CLIC5: variants seen among roughly 807,000 people sequenced by gnomAD.
CLIC5 encodes the protein chloride intracellular channel protein 5.
CLIC5 carries 20 observed loss-of-function variants against 24.7 expected under a neutral mutation model. That is an observed-to-expected ratio of 0.81 (90% CI 0.57 to 1.18). CLIC5 has a LOEUF of 1.18. Among genes scored for constraint, CLIC5 ranks in the 50% most tolerant of loss-of-function variants. The pLI is 0.00. For missense variants in CLIC5, 341 were observed against 326.1 expected (o/e 1.05, Z -0.35); for synonymous variants, 159 against 135.6 (o/e 1.17, Z -1.20).
chr6:46,112,853 T>C, the CLIC5 span, among the ~76,000 whole-genome samples: 2 of 152,124 alleles, frequency 1.3e-5, no homozygotes, highest in South Asian at 4.1e-4. Context: ...GGTCAGGAGT[T>C]TGAGAACAGC....
chr6:46,119,454 G>A, the CLIC5 span, among the ~76,000 whole-genome samples: 5 of 152,310 alleles, frequency 3.3e-5, no homozygotes, highest in South Asian at 6.2e-4. Context: ...ACTGGTTGGC[G>A]GTTCCAACAT....
chr6:46,118,190 T>C, the CLIC5 span, among the ~76,000 whole-genome samples: 2 of 152,258 alleles, frequency 1.3e-5, no homozygotes, highest in African/African-American at 4.8e-5. Context: ...TTAGCATTTA[T>C]GCTGCTGCTT....
At chr6:45,948,426 A>G (rs1764358292) in intron 3 of CLIC5, among the ~76,000 whole-genome samples, 1 of 152,144 alleles carries the variant, frequency 6.6e-6, no homozygotes, top group Non-Finnish European at 1.5e-5. Flanking sequence ...CAACCTCTAA[A>G]GTAGGTCTTA....
the CLIC5 span, among the ~76,000 whole-genome samples, chr6:46,095,557 T>C: frequency 1.3e-5 from 2 of 152,202 alleles, no homozygotes; most frequent in East Asian, 3.9e-4. Flanking sequence ...AGATCCCTAG[T>C]ATAGGGGAAC....
rs942073882 is a variant in CLIC5 at position 46,080,001 on chromosome 6, T to G, written c.242A>C (p.Tyr81Ser). The G allele has an allele frequency of 2.6e-5, 40 of 1,551,482 alleles. No homozygotes were observed. The Admixed American group carries it at 7.7e-4, about 30-fold the overall frequency. ...AGAGTATATCTCATCAGGCAGGAGG[T>G]AGCCTCTGTCTTCTGACTGGACAGA... Residue 81 changes from tyrosine to serine, a missense_variant, in exon 1 of 6, where the codon TAC (tyrosine) becomes TCC (serine). Tyr to Ser is a moderately radical substitution (Grantham distance 144, BLOSUM62 -2). Transcript: ENST00000185206.
chr6:45,915,616 T>C (rs1016126898), intron 4 of CLIC5, among the ~76,000 whole-genome samples: 1 of 152,206 alleles, frequency 6.6e-6, no homozygotes, highest in African/African-American at 2.4e-5. Flanking sequence ...AAAGCTGTCA[T>C]GATTATGACT....
upstream of CLIC5, among the ~76,000 whole-genome samples, chr6:46,017,306 T>A (rs925448967): frequency 3.3e-5 from 5 of 152,234 alleles, no homozygotes; most frequent in Admixed American, 6.5e-5. Flanking sequence ...TATTAAAAAA[T>A]TTATCGCTTA....
Position 45,955,292 on chromosome 6 carries a change from A to C in CLIC5, c.64-48T>G, listed in dbSNP as rs561622016. 169 of 1,377,750 alleles carry C rather than the reference A, an allele frequency of 1.2e-4. No homozygotes were observed. In the South Asian group the frequency reaches 1.9e-3, roughly 15 times the overall value. 85.3% of individuals were successfully genotyped at this position (1,377,750 alleles called of 1,614,324 possible). A position where few individuals can be genotyped will look rare whatever the true frequency, so the allele number is the denominator to read the frequency against. ...CCTGAGTGGGCAGGTGCAATTAGCAAGGGGAACATAAGATTGTAACACCCA... is the reference window on the plus strand; with the variant it reads ...CCTGAGTGGGCAGGTGCAATTAGCACGGGGAACATAAGATTGTAACACCCA... On this transcript the variant is annotated intron_variant, in intron 1 of 5. Coordinates refer to ENST00000339561, the MANE Select transcript of CLIC5 (RefSeq NM_016929.5).
chr6:46,083,922 A>T (rs1184142670), upstream of CLIC5, among the ~76,000 whole-genome samples: 4 of 152,052 alleles, frequency 2.6e-5, no homozygotes, highest in African/African-American at 9.7e-5. Flanking sequence ...GTCTCTTTGT[A>T]GGTCACTCAG....
rs113820424 is a variant in CLIC5 at position 45,887,168 on chromosome 6, G to A, written c.624-5980C>T. The stretch of plus-strand genomic sequence containing the variant: ...AAATGAACAAATGCATGGTATATCA[G>A]TTTCCTGTGGCTACTGTAACAAGTA... On this transcript the variant is annotated intron_variant, in intron 6 of 6. Coordinates refer to the CLIC5 transcript ENST00000644324. Among the ~76,000 whole-genome samples, 488 of 152,346 alleles carry A rather than the reference G, an allele frequency of 3.2e-3. 1 individual carries two copies. Among genetic ancestry groups the A allele is most frequent in the African/African-American group, 0.01 (425 of 41,566 alleles).
chr6:46,071,204 AC>A (rs1226886114), intron 1 of CLIC5, among the ~76,000 whole-genome samples: 1 of 152,200 alleles, frequency 6.6e-6, no homozygotes, highest in African/African-American at 2.4e-5. Context: ...ATCAGTTGAA[AC>A]AAAAGCAAAA....
intron 1 of CLIC5, among the ~76,000 whole-genome samples, chr6:45,969,634 G>A (rs1765130090): frequency 6.6e-6 from 1 of 152,042 alleles, no homozygotes; most frequent in East Asian, 1.9e-4. Flanking sequence ...GGGAAGACAG[G>A]AAAAACAGAA....
Position 46,058,814 on chromosome 6 carries a change from C to CA in CLIC5, c.540+20888dup, listed in dbSNP as rs5875953. On this transcript the variant is annotated intron_variant, in intron 1 of 5. Transcript: ENST00000185206. ...TAGAGTCTAGGTGTTCCAGATTCCA[C>CA]AAAAAAAAAGGTATAATGTGCGATA... Among the ~76,000 whole-genome samples the CA allele has an allele frequency of 5.0e-4, 75 of 150,312 alleles. No homozygotes were observed. The East Asian group carries it at 9.5e-3, about 19-fold the overall frequency.
At chr6:45,881,048 G>A (rs1762258930) in exon 7 of CLIC5, 1 of 398,242 alleles carries the variant, frequency 2.5e-6, no homozygotes, top group Non-Finnish European at 4.4e-6. Flanking sequence ...CTGCCTCAAA[G>A]CCAGTACAGA....
intron 1 of CLIC5, among the ~76,000 whole-genome samples, chr6:46,025,035 A>G (rs1287259998): frequency 1.3e-5 from 2 of 152,066 alleles, no homozygotes; most frequent in African/African-American, 4.8e-5. Context: ...TGTCTCCATT[A>G]ATTGATTTTT....
At chr6:45,978,517 C>A (rs955563228) in intron 1 of CLIC5, among the ~76,000 whole-genome samples, 1 of 152,194 alleles carries the variant, frequency 6.6e-6, no homozygotes, top group African/African-American at 2.4e-5. Context: ...TAGCATGCAT[C>A]AGAACCATTT....
chr6:45,912,640 T>C, intron 5 of CLIC5: 3 of 1,521,336 alleles, frequency 2.0e-6, no homozygotes, highest in Non-Finnish European at 2.6e-6. Context: ...TGGCAGCAAA[T>C]ACAGGACCGG....
chr6:45,944,162 C>A (rs1040645816), intron 3 of CLIC5, among the ~76,000 whole-genome samples: 6 of 151,896 alleles, frequency 4.0e-5, no homozygotes, highest in African/African-American at 1.5e-4. Context: ...CCCATGACCC[C>A]TATTTGTCTG....
rs1246396495 is a variant in CLIC5, at chr6:45,983,918, C to G, written c.64-28674G>C. Among the ~76,000 whole-genome samples, 3 of 152,170 alleles carry G rather than the reference C, an allele frequency of 2.0e-5. No homozygotes were observed. The East Asian group carries it at 5.8e-4, about 29-fold the overall frequency. ...ATCTTCTCTGTCTCATCCACTAGAA[C>G]ACAAGACTCCTTAAGTCAGGAACCA... On this transcript the variant is annotated intron_variant, in intron 1 of 5. Transcript: ENST00000339561.
Sources: gnomAD v4.1 joint callset for allele counts (sites outside exome capture counted in the v4.1 genomes callset) on GRCh38, gnomAD v4.1.1 for gene constraint, MANE v1.5 for transcripts, NCBI Gene and HGNC (gene_info 2026-07-23, HGNC 2026-07-21) for gene names.